Variants in SPTAN1 observed in about 807,000 individuals in gnomAD.
SPTAN1 encodes spectrin alpha, non-erythrocytic 1.
A neutral mutation model predicts 331.3 loss-of-function variants in SPTAN1; 61 were observed. The observed-to-expected ratio is 0.18, with a 90% CI of 0.15 to 0.23. SPTAN1 has a LOEUF of 0.23. Among genes scored for constraint, SPTAN1 ranks in the 10% least tolerant of loss-of-function variants. SPTAN1 has a pLI of 1.00. For missense variants in SPTAN1, 2,043 were observed against 3,147.9 expected (o/e 0.65, Z 8.40); for synonymous variants, 1,153 against 1,173.9 (o/e 0.98, Z 0.36).
chr9:128,594,804 C>CTTTTTTTTTTTTTTTTTTTTATTTTTT (rs10594067), intron 24 of SPTAN1, among the ~76,000 whole-genome samples: 2 of 90,560 alleles, frequency 2.2e-5, no homozygotes, highest in Non-Finnish European at 2.2e-5. Context: ...ATGTATGTAG[C>CTTTTTTTTTTTTTTTTTTTTATTTTTT]TTTTTTTTTT....
chr9:128,579,712 T>C lies in SPTAN1; in HGVS notation c.1297T>C (p.Tyr433His), dbSNP rs1268304630. The change falls in exon 10 of 57, where the codon TAT (tyrosine) becomes CAT (histidine). Residue 433 changes from tyrosine (Y) to histidine (H), a missense_variant. Tyr to His is a moderately conservative substitution (Grantham distance 83, BLOSUM62 2). Coordinates refer to ENST00000372739, the MANE Select transcript of SPTAN1 (RefSeq NM_001130438.3). ...SGQALLAAGH[Y>H]ASDEVREKLT... is the part of the protein sequence containing the mutation. Reference sequence around the variant, plus strand: ...ACAGGCACTGCTTGCTGCTGGTCACTATGCCTCAGATGAAGTGAGGGAGAA... The same window carrying C: ...ACAGGCACTGCTTGCTGCTGGTCACCATGCCTCAGATGAAGTGAGGGAGAA... 1 of 1,614,134 alleles carries C rather than the reference T, an allele frequency of 6.2e-7. No homozygotes were observed. Among genetic ancestry groups the C allele is most frequent in the East Asian group, 2.2e-5 (1 of 44,882 alleles).
intron 27 of SPTAN1, among the ~76,000 whole-genome samples, chr9:128,600,833 T>G (rs149845444): frequency 0.16 from 24,492 of 151,814 alleles, 2,543 homozygotes; most frequent in East Asian, 0.44. Flanking sequence ...TGGCAAATTT[T>G]TGTATTTTTA....
chr9:128,591,662 C>T (rs776677188), intron 22 of SPTAN1, 37 bp downstream of exon 22: 9 of 1,612,026 alleles, frequency 5.6e-6, no homozygotes, highest in African/African-American at 1.3e-5. Context: ...GGCTAGGCGT[C>T]CCATAGGCAT....
intron 52 of SPTAN1, chr9:128,631,860 C>G: frequency 2.0e-6 from 1 of 508,336 alleles, no homozygotes; most frequent in Non-Finnish European, 3.5e-6. Context: ...TCCTGGAGTC[C>G]TCGCCGTACT....
intron 31 of SPTAN1, among the ~76,000 whole-genome samples, chr9:128,606,999 A>G (rs920971425): frequency 1.3e-5 from 2 of 151,752 alleles, no homozygotes; most frequent in African/African-American, 2.4e-5. Context: ...TCTGCTTTCT[A>G]TGTCTATGGA....
At chr9:128,618,162 G>A in intron 43 of SPTAN1, 54 bp downstream of exon 43, 2 of 1,609,764 alleles carry the variant, frequency 1.2e-6, no homozygotes, top group Non-Finnish European at 1.7e-6. Flanking sequence ...CAGCACCCAA[G>A]GGCAGACTCT....
chr9:128,630,449 T>G (rs1351940324), intron 52 of SPTAN1, 74 bp downstream of exon 52: 60 of 1,503,736 alleles, frequency 4.0e-5, no homozygotes, highest in African/African-American at 1.4e-5. Context: ...CTTCCCTTCC[T>G]GGCTTAAAGT....
At chr9:128,559,292 CT>C (rs1849009222) in intron 1 of SPTAN1, among the ~76,000 whole-genome samples, 1 of 152,210 alleles carries the variant, frequency 6.6e-6, no homozygotes, top group Non-Finnish European at 1.5e-5. Context: ...GCTGAACTGT[CT>C]CTCTGGATTG....
rs1490035257 is a variant in SPTAN1, at chr9:128,581,777, G to A, written c.1462-5G>A. ...TATTCTGAACACTTTGTTTCCTTTGGCAAGGCGTTCCTGTTGAATGAAGAC... is the reference window on the plus strand; with the variant it reads ...TATTCTGAACACTTTGTTTCCTTTGACAAGGCGTTCCTGTTGAATGAAGAC... On this transcript the variant is annotated splice_polypyrimidine_tract_variant and splice_region_variant and intron_variant, in intron 11 of 56. Coordinates refer to ENST00000372739, the MANE Select transcript of SPTAN1 (RefSeq NM_001130438.3). 3 of 1,610,044 alleles carry A rather than the reference G, an allele frequency of 1.9e-6. No homozygotes were observed. The highest frequency in any genetic ancestry group is 2.6e-6 in the Non-Finnish European group (3 of 1,176,274).
intron 9 of SPTAN1, among the ~76,000 whole-genome samples, 172 bp from the exon 10 acceptor site, chr9:128,579,465 C>A (rs1172157836): frequency 6.6e-6 from 1 of 152,224 alleles, no homozygotes; most frequent in Non-Finnish European, 1.5e-5. Flanking sequence ...GATACTCTCA[C>A]ATTTGATGAC....
At chr9:128,563,001 T>TATATATATATATAC (rs1564188467) in intron 1 of SPTAN1, among the ~76,000 whole-genome samples, 1 of 44,064 alleles carries the variant, frequency 2.3e-5, no homozygotes, top group East Asian at 5.6e-4. Context: ...TGTATATATA[T>TATATATATATATAC]ATATATATAT....
chr9:128,606,359 A>G, intron 31 of SPTAN1, among the ~76,000 whole-genome samples: 1 of 87,384 alleles, frequency 1.1e-5, no homozygotes. Context: ...TGGGCGATGG[A>G]GCAAGACTCT....
At position 128,625,169 on chromosome 9, in the gene SPTAN1, T is replaced by G. The variant is rs756748057; in HGVS notation, c.6059T>G (p.Leu2020Arg). Residue 2020 changes from leucine (L) to arginine (R), a missense_variant, in exon 47 of 57, where the codon CTC becomes CGC. Leu to Arg is a moderately radical substitution (Grantham distance 102). Transcript: ENST00000372739. The surrounding 1 kb of genome is among the most constrained non-coding windows in gnomAD (Gnocchi z 4.1). ...GRDLSSVQTL[L>R]TKQETFDAGL... The stretch of plus-strand genomic sequence containing the variant: ...GACCTGTCTTCTGTGCAGACGCTCC[T>G]CACCAAACAGGTCTGCCCTGGCCCC... The G allele has an allele frequency of 6.2e-7, 1 of 1,614,184 alleles. No individual in the cohort carries two copies. Among genetic ancestry groups the G allele is most frequent in the Admixed American group, 1.7e-5 (1 of 60,022 alleles).
rs143781649 is a variant in SPTAN1, at chr9:128,631,866, G to A, written c.6763-261G>A. 2.9e-3 allele frequency: 1,553 copies of A among 529,406 alleles called. 12 individuals carry two copies. The highest frequency in any genetic ancestry group is 3.9e-3 in the Non-Finnish European group (1,137 of 295,282). 32.8% of individuals were successfully genotyped at this position (529,406 alleles called of 1,614,324 possible). On this transcript the variant is annotated intron_variant, in intron 52 of 56. Coordinates refer to ENST00000372739, the MANE Select transcript of SPTAN1 (RefSeq NM_001130438.3). The stretch of plus-strand genomic sequence containing the variant: ...GCCACTGCTTCCTGGAGTCCTCGCC[G>A]TACTTGTCCTTGGCGTGCACTGCCC...
chr9:128,567,783 G>A (rs1299747420), intron 2 of SPTAN1, among the ~76,000 whole-genome samples: 6 of 150,332 alleles, frequency 4.0e-5, no homozygotes, highest in East Asian at 1.9e-4. Context: ...TTTTTGAGAC[G>A]GAGTTTTGCT....
intron 20 of SPTAN1, among the ~76,000 whole-genome samples, 193 bp downstream of exon 20, chr9:128,587,891 G>GC (rs1361684069): frequency 1.3e-5 from 2 of 152,086 alleles, no homozygotes; most frequent in Admixed American, 1.3e-4. Context: ...CGTCGCCTAG[G>GC]CTGGAGTGCA....
At chr9:128,587,722 T>C (rs766361381) in intron 20 of SPTAN1, 24 bp downstream of exon 20, 8 of 1,609,160 alleles carry the variant, frequency 5.0e-6, no homozygotes, top group African/African-American at 2.7e-5. Flanking sequence ...AGTTTATGGG[T>C]TACTGGAGGG....
At chr9:128,609,098 G>C in intron 35 of SPTAN1, 24 bp from the exon 36 acceptor site, 1 of 1,614,172 alleles carries the variant, frequency 6.2e-7, no homozygotes, top group Non-Finnish European at 8.5e-7. Flanking sequence ...GCTCATGTTG[G>C]ATCTCATGGT....
Position 128,558,632 on chromosome 9 carries a change from T to C in SPTAN1, c.-4+5936T>C, listed in dbSNP as rs144171907. On this transcript the variant is annotated intron_variant, in intron 1 of 56. Coordinates refer to ENST00000372739, the MANE Select transcript of SPTAN1 (RefSeq NM_001130438.3). ...AATGGCACGTTTCCCAGATTTTTCC[T>C]TTCTGGTGCTCTCAAAAGGCGTTAA... Among the ~76,000 whole-genome samples, 377 of 152,314 alleles carry C rather than the reference T, an allele frequency of 2.5e-3. 3 individuals are homozygous for C. The highest frequency in any genetic ancestry group is 8.7e-3 in the African/African-American group (360 of 41,572).
Sources: gnomAD v4.1 joint callset for allele counts (sites outside exome capture counted in the v4.1 genomes callset) on GRCh38, gnomAD v4.1.1 for gene constraint, Gnocchi (gnomAD v3.1) non-coding constraint, MANE v1.5 for transcripts, NCBI Gene and HGNC (gene_info 2026-07-23, HGNC 2026-07-21) for gene names.